The following KCTD16 variants were observed in gnomAD, a reference collection of about 807,000 sequenced individuals.
The protein encoded by KCTD16 is BTB/POZ domain-containing protein KCTD16.
Under a neutral mutation model 33.2 loss-of-function variants are expected in KCTD16, and 13 were observed. The observed-to-expected ratio is 0.39, with a 90% CI of 0.25 to 0.62. KCTD16 has a LOEUF of 0.62. Among genes scored for constraint, KCTD16 ranks in the 20% least tolerant of loss-of-function variants. The pLI, the probability that KCTD16 is intolerant of heterozygous loss-of-function variation, is 0.50. For missense variants in KCTD16, 441 were observed against 525.1 expected (o/e 0.84, Z 1.57); for synonymous variants, 197 against 195.3 (o/e 1.01, Z -0.07).
intron 3 of KCTD16, among the ~76,000 whole-genome samples, chr5:144,396,063 C>A: frequency 6.6e-6 from 1 of 152,044 alleles, no homozygotes; most frequent in East Asian, 1.9e-4. Context: ...AAATTGCAAA[C>A]CCTGCTCTAG....
At chr5:144,336,018 C>T (rs73295884) in intron 3 of KCTD16, among the ~76,000 whole-genome samples, 3,344 of 152,252 alleles carry the variant, frequency 0.022, 133 homozygotes, top group African/African-American at 0.075. Flanking sequence ...CTAGCAGAGG[C>T]ACATAATGGA....
chr5:144,378,475 C>G (rs970160412), intron 3 of KCTD16, among the ~76,000 whole-genome samples: 1 of 152,084 alleles, frequency 6.6e-6, no homozygotes, highest in Non-Finnish European at 1.5e-5. Flanking sequence ...TCGTATCTAG[C>G]TAGTTGAAGA....
intron 3 of KCTD16, among the ~76,000 whole-genome samples, chr5:144,430,417 C>A (rs1022489657): frequency 6.6e-6 from 1 of 152,034 alleles, no homozygotes; most frequent in African/African-American, 2.4e-5. Context: ...TTGCCTGTGG[C>A]AGATGCATTT....
At chr5:144,197,301 A>G (rs1355600132) in intron 2 of KCTD16, among the ~76,000 whole-genome samples, 1 of 152,190 alleles carries the variant, frequency 6.6e-6, no homozygotes, top group East Asian at 1.9e-4. Context: ...AAACATATAT[A>G]TTACTTATCC....
intron 3 of KCTD16, among the ~76,000 whole-genome samples, chr5:144,431,560 A>G (rs1333873869): frequency 6.6e-6 from 1 of 152,100 alleles, no homozygotes; most frequent in Non-Finnish European, 1.5e-5. Flanking sequence ...ATTGCCTGGA[A>G]TGTGTTTAAA....
At chr5:144,433,317 C>T (rs1446464341) in intron 3 of KCTD16, among the ~76,000 whole-genome samples, 1 of 152,030 alleles carries the variant, frequency 6.6e-6, no homozygotes, top group Non-Finnish European at 1.5e-5. Context: ...GATGGTCATC[C>T]CTGGTGGCAT....
At chr5:144,177,938 A>G (rs1035587663) in intron 2 of KCTD16, among the ~76,000 whole-genome samples, 2 of 152,154 alleles carry the variant, frequency 1.3e-5, no homozygotes, top group Non-Finnish European at 2.9e-5. Flanking sequence ...TTGATCAGCT[A>G]TTCATGTCAA....
At chr5:144,459,002 T>G (rs946587359) in intron 3 of KCTD16, among the ~76,000 whole-genome samples, 7 of 152,170 alleles carry the variant, frequency 4.6e-5, no homozygotes, top group Admixed American at 3.9e-4. Context: ...AACTCCAGGC[T>G]CTAGTTTGCA....
intron 3 of KCTD16, among the ~76,000 whole-genome samples, chr5:144,290,079 G>C (rs910710995): frequency 1.1e-4 from 16 of 152,202 alleles, no homozygotes; most frequent in Non-Finnish European, 2.2e-4. Flanking sequence ...TCAGGAGTTC[G>C]AGACCAGCCT....
intron 3 of KCTD16, among the ~76,000 whole-genome samples, chr5:144,289,406 A>G (rs1288626901): frequency 1.3e-5 from 2 of 152,138 alleles, no homozygotes; most frequent in African/African-American, 4.8e-5. Flanking sequence ...AATAAGTTTT[A>G]CCTGTCTGTA....
intron 3 of KCTD16, among the ~76,000 whole-genome samples, chr5:144,414,766 T>C (rs1031800655): frequency 4.6e-5 from 7 of 152,138 alleles, no homozygotes; most frequent in African/African-American, 1.7e-4. Flanking sequence ...ATCTTAAGTG[T>C]GTTTTAGTTG....
chr5:144,436,251 G>T (rs17101889), intron 3 of KCTD16, among the ~76,000 whole-genome samples: 11,881 of 152,146 alleles, frequency 0.078, 1,553 homozygotes, highest in African/African-American at 0.27. Context: ...TGGCAGATGG[G>T]ATTGACTTCT....
At chr5:144,274,807 A>T (rs550114969) in intron 3 of KCTD16, among the ~76,000 whole-genome samples, 1 of 152,216 alleles carries the variant, frequency 6.6e-6, no homozygotes, top group South Asian at 2.1e-4. Context: ...TTATGTACTG[A>T]AGGTATCAGT....
At chr5:144,276,750 A>C (rs1009668529) in intron 3 of KCTD16, among the ~76,000 whole-genome samples, 3 of 152,118 alleles carry the variant, frequency 2.0e-5, no homozygotes, top group Non-Finnish European at 1.5e-5. Flanking sequence ...CTAAAATACA[A>C]AAATTAGCCA....
At chr5:144,345,859 A>G (rs2126903331) in intron 3 of KCTD16, among the ~76,000 whole-genome samples, 1 of 152,180 alleles carries the variant, frequency 6.6e-6, no homozygotes, top group South Asian at 2.1e-4. Context: ...AAACAATCTG[A>G]TTATACTCTT....
intron 3 of KCTD16, among the ~76,000 whole-genome samples, chr5:144,345,122 G>A (rs560392130): frequency 1.1e-3 from 164 of 149,100 alleles, no homozygotes; most frequent in Middle Eastern, 3.4e-3. Flanking sequence ...ACCAAACACC[G>A]CATGTTCTCA....
intron 3 of KCTD16, among the ~76,000 whole-genome samples, chr5:144,297,402 G>A (rs1413005180): frequency 6.6e-6 from 1 of 152,186 alleles, no homozygotes; most frequent in East Asian, 1.9e-4. Context: ...GGTTGGTTAA[G>A]CAATGCAATC....
At chr5:144,246,159 A>G (rs952228717) in intron 3 of KCTD16, among the ~76,000 whole-genome samples, 19 of 152,208 alleles carry the variant, frequency 1.2e-4, no homozygotes, top group Admixed American at 1.2e-3. Flanking sequence ...CAAGCTTCAT[A>G]TTAGTCAGCT....
At chr5:144,358,673 A>G (rs1028411020) in intron 3 of KCTD16, among the ~76,000 whole-genome samples, 3 of 152,182 alleles carry the variant, frequency 2.0e-5, no homozygotes, top group Non-Finnish European at 4.4e-5. Context: ...AAATGCATAA[A>G]TTAATTTCTC....
Sources: allele counts gnomAD v4.1 joint callset (sites outside exome capture counted in the v4.1 genomes callset), GRCh38; gene constraint gnomAD v4.1.1; transcripts MANE v1.5; gene names NCBI Gene and HGNC (gene_info 2026-07-23, HGNC 2026-07-21).